Variants in DRD3 observed in about 807,000 individuals in gnomAD.
The protein encoded by DRD3 is D(3) dopamine receptor.
A neutral mutation model predicts 36.3 loss-of-function variants in DRD3; 19 were observed. The ratio of observed to expected loss-of-function variants is 0.52; its 90% confidence interval spans 0.36 to 0.77. The LOEUF (loss-of-function observed/expected upper bound fraction) is 0.77, where lower values mean the gene tolerates loss of function less well. DRD3 is among the 30% of genes least tolerant of loss of function. The pLI, the probability that DRD3 is intolerant of heterozygous loss-of-function variation, is 0.00. For missense variants in DRD3, 465 were observed against 505.3 expected (o/e 0.92, Z 0.77); for synonymous variants, 195 against 203.7 (o/e 0.96, Z 0.36).
chr3:114,155,912 G>C (rs2077662465), intron 3 of DRD3, among the ~76,000 whole-genome samples: 1 of 151,984 alleles, frequency 6.6e-6, no homozygotes, highest in East Asian at 1.9e-4. Flanking sequence ...CCTCCTTGGA[G>C]TTCTCTCCCT....
chr3:114,169,576 G>C (rs371392323), intron 2 of DRD3, among the ~76,000 whole-genome samples: 1 of 151,930 alleles, frequency 6.6e-6, no homozygotes, highest in East Asian at 1.9e-4. Flanking sequence ...ATAGTATTAT[G>C]GTTTTTATGG....
rs114580013 is a variant in DRD3, at chr3:114,133,719, T to C, written c.724-2319A>G. Among the ~76,000 whole-genome samples, 1,394 of 152,406 alleles carry C rather than the reference T, an allele frequency of 9.1e-3. 21 individuals carry two copies. Among genetic ancestry groups the C allele is most frequent in the African/African-American group, 0.031 (1,284 of 41,594 alleles). ...TCTGGTATGGAGGGGGAGGTGTGTG[T>C]GTGCCCAACTTGAACTTCTTTTCAT... On this transcript the variant is annotated intron_variant, in intron 5 of 6. Coordinates refer to ENST00000383673, the MANE Select transcript of DRD3 (RefSeq NM_000796.6).
chr3:114,148,721 T>C (rs2077590874), intron 3 of DRD3, among the ~76,000 whole-genome samples: 1 of 152,174 alleles, frequency 6.6e-6, no homozygotes, highest in African/African-American at 2.4e-5. Context: ...CTTATTTATT[T>C]ATTTATTTTG....
At chr3:114,135,848 C>T (rs1334145223) in intron 5 of DRD3, among the ~76,000 whole-genome samples, 1 of 152,004 alleles carries the variant, frequency 6.6e-6, no homozygotes, top group African/African-American at 2.4e-5. Context: ...TGCCACCATG[C>T]CCGGCTAATT....
At chr3:114,159,934 T>C in intron 2 of DRD3, 67 bp from the exon 3 acceptor site, 1 of 1,409,978 alleles carries the variant, frequency 7.1e-7, no homozygotes. Context: ...GTTGGCCCTA[T>C]TTTCTTTGCT....
At chr3:114,155,710 T>C (rs1049802661) in intron 3 of DRD3, among the ~76,000 whole-genome samples, 31 of 151,862 alleles carry the variant, frequency 2.0e-4, no homozygotes, top group African/African-American at 6.8e-4. Flanking sequence ...CCCACAGCCC[T>C]AAGTGCATAA....
chr3:114,172,117 A>G, intron 1 of DRD3, 90 bp from the exon 2 acceptor site: 1 of 1,042,078 alleles, frequency 9.6e-7, no homozygotes, highest in Non-Finnish European at 1.3e-6. Context: ...GCATCAGCAA[A>G]TATTTATTGA....
upstream of DRD3, among the ~76,000 whole-genome samples, chr3:114,179,875 T>C (rs1162907891): frequency 6.6e-5 from 10 of 152,202 alleles, no homozygotes; most frequent in South Asian, 2.1e-3. Flanking sequence ...ATAACAACCA[T>C]CATTTATTGA....
intron 3 of DRD3, among the ~76,000 whole-genome samples, chr3:114,154,441 C>G (rs1666529378): frequency 6.6e-6 from 1 of 152,068 alleles, no homozygotes; most frequent in African/African-American, 2.4e-5. Context: ...GACTCTAACT[C>G]CCCGCCTGGG....
At chr3:114,160,523 C>T (rs113663764) in intron 2 of DRD3, among the ~76,000 whole-genome samples, 17 of 152,316 alleles carry the variant, frequency 1.1e-4, no homozygotes, top group African/African-American at 4.1e-4. Flanking sequence ...TGATAACTTC[C>T]TCATAGATGC....
upstream of DRD3, among the ~76,000 whole-genome samples, chr3:114,181,488 C>T (rs942962436): frequency 6.6e-6 from 1 of 152,166 alleles, no homozygotes; most frequent in Non-Finnish European, 1.5e-5. Flanking sequence ...TAAGTGGAAC[C>T]CTTATTCATG....
At chr3:114,192,385 G>A (rs1376528212) in intron 1 of DRD3, among the ~76,000 whole-genome samples, 1 of 152,210 alleles carries the variant, frequency 6.6e-6, no homozygotes, top group Non-Finnish European at 1.5e-5. Flanking sequence ...GTAGCTTGCT[G>A]TAGATTGTGG....
At chr3:114,193,789 A>C (rs897797690) in intron 1 of DRD3, among the ~76,000 whole-genome samples, 1 of 152,264 alleles carries the variant, frequency 6.6e-6, no homozygotes, top group African/African-American at 2.4e-5. Context: ...AAAAGGAAAT[A>C]TTAAAATAAA....
At chr3:114,195,419 G>A (rs73856268) in intron 1 of DRD3, among the ~76,000 whole-genome samples, 8,383 of 152,180 alleles carry the variant, frequency 0.055, 786 homozygotes, top group African/African-American at 0.19. Flanking sequence ...TGGAAAAAGT[G>A]TGAATATCAA....
intron 4 of DRD3, among the ~76,000 whole-genome samples, chr3:114,144,247 T>A (rs2077551857): frequency 6.6e-6 from 1 of 152,226 alleles, no homozygotes; most frequent in Admixed American, 6.5e-5. Flanking sequence ...AATTCACAAT[T>A]TCGTGTGGCA....
chr3:114,171,993 A>G lies in DRD3; in HGVS notation c.-1T>C. On this transcript the variant is annotated 5_prime_UTR_variant, in exon 2 of 7. Transcript: ENST00000383673. ...CACTCAGCTGGCTCAGAGATGCCAT[A>G]GCCCAGAGGGAGGTGCGTGATGCCA... The G allele has an allele frequency of 1.4e-6, 2 of 1,450,456 alleles. No homozygotes were observed. Among genetic ancestry groups the G allele is most frequent in the Non-Finnish European group, 1.8e-6 (2 of 1,095,360 alleles). 89.8% of individuals were successfully genotyped at this position (1,450,456 alleles called of 1,614,324 possible).
At chr3:114,172,169 A>G in intron 1 of DRD3, 142 bp from the exon 2 acceptor site, 1 of 610,456 alleles carries the variant, frequency 1.6e-6, no homozygotes, top group Non-Finnish European at 2.5e-6. Context: ...AGTTGGAGAT[A>G]GAGCAATGAA....
At position 114,177,614 on chromosome 3, in the gene DRD3, T is replaced by C. The variant is rs146825530; in HGVS notation, c.-36+1043A>G. ...AGTAGAAACTGTTCGGTATTTGCTT[T>C]AATGTATATTCCATAACAAATAGCC... On this transcript the variant is annotated intron_variant, in intron 1 of 6. Coordinates refer to ENST00000383673, the MANE Select transcript of DRD3 (RefSeq NM_000796.6). Among the ~76,000 whole-genome samples the C allele has an allele frequency of 2.1e-4, 32 of 152,336 alleles. No homozygotes were observed. In the South Asian group the frequency reaches 2.3e-3, roughly 11 times the overall value.
intron 3 of DRD3, among the ~76,000 whole-genome samples, chr3:114,156,831 CTTTCCTTT>C (rs1490660237): frequency 2.2e-3 from 56 of 25,282 alleles, no homozygotes; most frequent in East Asian, 8.5e-3. Context: ...TTCTTTCTTT[CTTTCCTTT>C]CTTTCTTTTC....
Sources: allele counts gnomAD v4.1 joint callset (sites outside exome capture counted in the v4.1 genomes callset), GRCh38; gene constraint gnomAD v4.1.1; transcripts MANE v1.5; gene names NCBI Gene and HGNC (gene_info 2026-07-23, HGNC 2026-07-21).